ABHD2: variants seen among roughly 807,000 people sequenced by gnomAD.
ABHD2 encodes the protein abhydrolase domain containing 2, acylglycerol lipase.
ABHD2 carries 20 observed loss-of-function variants against 48.1 expected under a neutral mutation model. The ratio of observed to expected loss-of-function variants is 0.42; its 90% CI spans 0.29 to 0.60. ABHD2 has a LOEUF of 0.60. ABHD2 is among the 20% of genes least tolerant of loss of function. ABHD2 has a pLI of 0.24. For synonymous variants in ABHD2, 209 were observed against 214.2 expected, an observed-to-expected ratio of 0.98 and a Z score of 0.21; for missense variants, 405 against 550.9, an observed-to-expected ratio of 0.74 and a Z score of 2.65.
At chr15:89,183,382 AAAATATATATAT>A (rs1215715265) in intron 6 of ABHD2, 1,834 of 55,308 alleles carry the variant, frequency 0.033, 18 homozygotes, top group East Asian at 0.049. Flanking sequence ...AAAAAAAAAA[AAAATATATATAT>A]ATATATATAT....
the ABHD2 span, among the ~76,000 whole-genome samples, chr15:89,063,879 C>G: frequency 6.6e-6 from 1 of 152,108 alleles, no homozygotes; most frequent in Non-Finnish European, 1.5e-5. Context: ...CAGCATGAAA[C>G]TGTTCCACCT....
rs2049755783 is a variant in ABHD2 at position 89,104,726 on chromosome 15, G to T, written c.-106-8999G>T. 6.6e-6 allele frequency among the ~76,000 whole-genome samples: 1 copy of T among 152,208 alleles called. No homozygotes were observed. Among genetic ancestry groups the T allele is most frequent in the African/African-American group, 2.4e-5 (1 of 41,450 alleles). On this transcript the variant is annotated intron_variant, in intron 1 of 10. Coordinates refer to ENST00000352732, the MANE Select transcript of ABHD2 (RefSeq NM_152924.5). This position sits in a 1 kb window ranked among gnomAD's most constrained non-coding sequence, Gnocchi z 4.4. ...GTTCTTCAGGCAACGGTTGTGCCAG[G>T]CACTGGGTCTTGCCCTCCCACCCCC... is the stretch of plus-strand genomic sequence containing the variant.
intron 9 of ABHD2, among the ~76,000 whole-genome samples, 154 bp from the exon 10 acceptor site, chr15:89,193,081 A>C (rs1416289196): frequency 1.3e-5 from 2 of 152,198 alleles, no homozygotes; most frequent in African/African-American, 2.4e-5. Context: ...GCCAGAGAAT[A>C]CAAGGCGTCC....
rs377360335 is a variant in ABHD2, at chr15:89,088,942, G to A, written c.-107+379G>A. The stretch of plus-strand genomic sequence containing the variant: ...GGTCCGGGATCCGCACCTGGAAGGA[G>A]AGGGCCGAGGGGCCTGATTACAGCC... On this transcript the variant is annotated intron_variant, in intron 1 of 10. Coordinates refer to ENST00000352732, the MANE Select transcript of ABHD2 (RefSeq NM_152924.5). The surrounding 1 kb of genome is among the most constrained non-coding windows in gnomAD (Gnocchi z 6.8). Among the ~76,000 whole-genome samples the A allele has an allele frequency of 3.9e-5, 6 of 152,372 alleles. No individual in the cohort carries two copies. The East Asian group carries it at 1.2e-3, about 29-fold the overall frequency.
chr15:89,139,821 T>C (rs1485365876), intron 3 of ABHD2, among the ~76,000 whole-genome samples: 1 of 152,184 alleles, frequency 6.6e-6, no homozygotes, highest in Non-Finnish European at 1.5e-5. Flanking sequence ...GGGCATTCTC[T>C]CTGGAAACTG....
At chr15:89,078,028 A>G in the ABHD2 span, among the ~76,000 whole-genome samples, 1 of 152,138 alleles carries the variant, frequency 6.6e-6, no homozygotes, top group Non-Finnish European at 1.5e-5. Context: ...ATCTCAACAG[A>G]TCTAAAGTAA....
Position 89,155,321 on chromosome 15 carries a change from T to C in ABHD2, c.371-46T>C. 1 of 1,576,228 alleles carries C rather than the reference T, an allele frequency of 6.3e-7. No homozygotes were observed. The highest frequency in any genetic ancestry group is 8.7e-7 in the Non-Finnish European group (1 of 1,150,464). On this transcript the variant is annotated intron_variant, in intron 4 of 10. Transcript: ENST00000352732. The surrounding 1 kb of genome is among the most constrained non-coding windows in gnomAD (Gnocchi z 4.9). ...GAAGTGTAATTATGTCCATTTATCA[T>C]GTCACATTTCTTGGATACATCAGGA...
rs2050598657 is a variant in ABHD2, at chr15:89,151,969, G to A, written c.370+117G>A. On this transcript the variant is annotated intron_variant, in intron 4 of 10. Transcript: ENST00000352732. This position sits in a 1 kb window ranked among gnomAD's most constrained non-coding sequence, Gnocchi z 4.7. The stretch of plus-strand genomic sequence containing the variant: ...GACTCTGCCCATGGCATCAGGGGCT[G>A]TTGGGAAGCCTGCTGGGATTCGTCA... 7.4e-7 allele frequency: 1 copy of A among 1,345,784 alleles called. No individual in the cohort carries two copies. Among genetic ancestry groups the A allele is most frequent in the South Asian group, 1.5e-5 (1 of 68,416 alleles). 83.4% of individuals were successfully genotyped at this position (1,345,784 alleles called of 1,614,324 possible).
chr15:89,171,384 G>GC (rs2050925068), intron 5 of ABHD2, among the ~76,000 whole-genome samples: 1 of 152,168 alleles, frequency 6.6e-6, no homozygotes, highest in South Asian at 2.1e-4. Flanking sequence ...GATGCTGCTT[G>GC]CTCAGGGGCC....
chr15:89,113,587 A>T (rs929498667), intron 1 of ABHD2, 138 bp from the exon 2 acceptor site: 3 of 152,256 alleles, frequency 2.0e-5, no homozygotes, highest in African/African-American at 7.2e-5. Flanking sequence ...CAAACATTCA[A>T]GAGTGTGGCA....
chr15:89,123,988 T>A (rs1212178543), intron 3 of ABHD2, among the ~76,000 whole-genome samples: 3 of 152,208 alleles, frequency 2.0e-5, no homozygotes, highest in African/African-American at 7.2e-5. Context: ...CTATTGCTGT[T>A]GTACATACTT....
chr15:89,195,682 G>A lies in ABHD2; in HGVS notation c.*259G>A. ...TGACAGAGTTCTTGCCCTCTGTCCA[G>A]TTTCAGCATCTGGTTGCTTTTAAGC... On this transcript the variant is annotated 3_prime_UTR_variant, in exon 11 of 11. Transcript: ENST00000352732. This position sits in a 1 kb window ranked among gnomAD's most constrained non-coding sequence, Gnocchi z 5.1. 3 of 404,484 alleles carry A rather than the reference G, an allele frequency of 7.4e-6. No individual in the cohort carries two copies. Among genetic ancestry groups the A allele is most frequent in the Middle Eastern group, 6.6e-4 (1 of 1,524 alleles). The allele number at this position is 404,484 out of a possible 1,614,324, so 25.1% of individuals were successfully genotyped here. A position where few individuals can be genotyped will look rare whatever the true frequency, so the allele number is the denominator to read the frequency against.
In ABHD2 at chr15:89,092,022, G is replaced by T. The variant is rs527781411; in HGVS notation, c.-107+3459G>T. Reference sequence around the variant, plus strand: ...TTAAGCCCTGTGCTGCTGTTTCTTTGTTGATACCATACAGATGCTACATTA... The same window carrying T: ...TTAAGCCCTGTGCTGCTGTTTCTTTTTTGATACCATACAGATGCTACATTA... On this transcript the variant is annotated intron_variant, in intron 1 of 10. Transcript: ENST00000352732. The surrounding 1 kb of genome is among the most constrained non-coding windows in gnomAD (Gnocchi z 4.4). Among the ~76,000 whole-genome samples, 6 of 152,298 alleles carry T rather than the reference G, an allele frequency of 3.9e-5. No individual in the cohort carries two copies. The South Asian group carries it at 1.2e-3, about 32-fold the overall frequency.
At chr15:89,059,588 A>T in the ABHD2 span, among the ~76,000 whole-genome samples, 2 of 152,160 alleles carry the variant, frequency 1.3e-5, no homozygotes, top group African/African-American at 4.8e-5. Flanking sequence ...TGGAGAATTT[A>T]ACTCTCTCAT....
At position 89,173,700 on chromosome 15, in the gene ABHD2, C is replaced by T. The variant is rs1485552193; in HGVS notation, c.539-2112C>T. 6.6e-6 allele frequency among the ~76,000 whole-genome samples: 1 copy of T among 152,192 alleles called. No individual in the cohort carries two copies. Among genetic ancestry groups the T allele is most frequent in the Non-Finnish European group, 1.5e-5 (1 of 68,036 alleles). On this transcript the variant is annotated intron_variant, in intron 5 of 10. Transcript: ENST00000352732. The surrounding 1 kb of genome is among the most constrained non-coding windows in gnomAD (Gnocchi z 6.5). The stretch of plus-strand genomic sequence containing the variant: ...ACCAGGTTTTTGTTCCTTCCCTGTC[C>T]TCAGGGCCCATTCAGAGGCCTTGTC...
chr15:89,048,330 C>T, the ABHD2 span, among the ~76,000 whole-genome samples: 1 of 152,132 alleles, frequency 6.6e-6, no homozygotes, highest in Non-Finnish European at 1.5e-5. Flanking sequence ...CTGCCCTTAA[C>T]ATTTTTCCTT....
At position 89,116,538 on chromosome 15, in the gene ABHD2, C is replaced by A. The variant is rs759973182; in HGVS notation, c.194+17C>A. 1 of 1,604,744 alleles carries A rather than the reference C, an allele frequency of 6.2e-7. No homozygotes were observed. Among genetic ancestry groups the A allele is most frequent in the Non-Finnish European group, 8.5e-7 (1 of 1,174,756 alleles). ...GACCAAAGAGTGAGTAGACCTCATG[C>A]CCTCTGTATGCTCAGCTGCTGATGT... On this transcript the variant is annotated intron_variant, in intron 3 of 10. Coordinates refer to ENST00000352732, the MANE Select transcript of ABHD2 (RefSeq NM_152924.5). The surrounding 1 kb of genome is among the most constrained non-coding windows in gnomAD (Gnocchi z 4.6).
chr15:89,110,000 T>C (rs920262216), intron 1 of ABHD2, among the ~76,000 whole-genome samples: 5 of 152,252 alleles, frequency 3.3e-5, no homozygotes, highest in Non-Finnish European at 5.9e-5. Context: ...ATAATACCTA[T>C]TACAAAGTAA....
Position 89,200,849 on chromosome 15 carries a change from A to T in ABHD2, c.*5426A>T, listed in dbSNP as rs568253057. On this transcript the variant is annotated 3_prime_UTR_variant, in exon 11 of 11. Coordinates refer to ENST00000352732, the MANE Select transcript of ABHD2 (RefSeq NM_152924.5). ...TGTAATCCCAGCACTTTGGAGGCCG[A>T]GGCGGGTAGATCACCTGAGGTTAGG... The T allele has an allele frequency of 6.3e-6, 2 of 319,334 alleles. No homozygotes were observed. Among genetic ancestry groups the T allele is most frequent in the Admixed American group, 7.5e-5 (2 of 26,502 alleles). The allele number at this position is 319,334 out of a possible 1,614,324, so 19.8% of individuals were successfully genotyped here.
Sources: allele counts gnomAD v4.1 joint callset (sites outside exome capture counted in the v4.1 genomes callset), GRCh38; gene constraint gnomAD v4.1.1; non-coding constraint Gnocchi (gnomAD v3.1); transcripts MANE v1.5; gene names NCBI Gene and HGNC (gene_info 2026-07-23, HGNC 2026-07-21).